Variants in PCDH17 observed in about 807,000 individuals in gnomAD.
The protein encoded by PCDH17 is protocadherin 17.
In PCDH17, 21 loss-of-function variants were observed where a neutral mutation model predicts 67.7. The observed-to-expected ratio is 0.31, with a 90% CI of 0.22 to 0.45. The LOEUF (loss-of-function observed/expected upper bound fraction) is 0.45. Ranked by LOEUF, PCDH17 falls within the 20% of genes least tolerant of loss-of-function variation. The pLI, the probability that PCDH17 is intolerant of heterozygous loss-of-function variation, is 1.00. For missense variants in PCDH17, 1,471 were observed against 1,564.8 expected, an observed-to-expected ratio of 0.94 and a Z score of 1.01; for synonymous variants, 701 against 656.7, an observed-to-expected ratio of 1.07 and a Z score of -1.03.
At chr13:57,689,470 C>G (rs1210977154) in intron 3 of PCDH17, among the ~76,000 whole-genome samples, 1 of 151,886 alleles carries the variant, frequency 6.6e-6, no homozygotes, top group African/African-American at 2.4e-5. Flanking sequence ...GGACACAATT[C>G]TTGGTTAATT....
At chr13:57,644,454 A>T (rs746829581) in intron 1 of PCDH17, among the ~76,000 whole-genome samples, 2 of 151,570 alleles carry the variant, frequency 1.3e-5, no homozygotes, top group African/African-American at 2.4e-5. Flanking sequence ...ATTACATAGT[A>T]ATTTGGGTTA....
intron 3 of PCDH17, among the ~76,000 whole-genome samples, chr13:57,690,293 A>G (rs986451823): frequency 6.6e-6 from 1 of 151,778 alleles, no homozygotes. Context: ...TAGTGAAAAC[A>G]TATGCTTTTC....
At chr13:57,715,334 T>G (rs1955808413) in intron 3 of PCDH17, among the ~76,000 whole-genome samples, 2 of 151,782 alleles carry the variant, frequency 1.3e-5, no homozygotes, top group Non-Finnish European at 2.9e-5. Flanking sequence ...CCGTAGTGTT[T>G]GATAACTTTT....
intron 3 of PCDH17, among the ~76,000 whole-genome samples, chr13:57,722,107 G>C (rs1334585132): frequency 6.6e-6 from 1 of 152,160 alleles, no homozygotes; most frequent in Non-Finnish European, 1.5e-5. Context: ...CCCACGATGT[G>C]ACATAAAGGA....
At chr13:57,723,682 C>A (rs4485247) in intron 3 of PCDH17, among the ~76,000 whole-genome samples, 122,317 of 152,132 alleles carry the variant, frequency 0.8, 49,876 homozygotes, top group African/African-American at 0.93. Flanking sequence ...ACAACTGGGA[C>A]GATGTAGCTC....
intron 3 of PCDH17, among the ~76,000 whole-genome samples, chr13:57,672,517 TAC>T (rs1466577898): frequency 1.3e-5 from 2 of 151,976 alleles, no homozygotes; most frequent in Non-Finnish European, 2.9e-5. Flanking sequence ...ACCTGTATTT[TAC>T]CATGAAGGAA....
chr13:57,646,048 T>C (rs1432636782), intron 1 of PCDH17, among the ~76,000 whole-genome samples: 2 of 151,724 alleles, frequency 1.3e-5, no homozygotes, highest in Admixed American at 6.6e-5. Context: ...TGGGATTACA[T>C]TTATTTTTAT....
chr13:57,656,312 G>A (rs927050585), intron 1 of PCDH17, among the ~76,000 whole-genome samples: 5 of 151,994 alleles, frequency 3.3e-5, no homozygotes, highest in African/African-American at 1.2e-4. Context: ...AAACCAGCTT[G>A]ATCATAAAAA....
rs1045039910 is a variant in PCDH17 at position 57,725,738 on chromosome 13, G to C, written c.*444G>C. The C allele has an allele frequency of 1.9e-5, 3 of 156,376 alleles. No individual in the cohort carries two copies. Among genetic ancestry groups the C allele is most frequent in the African/African-American group, 7.2e-5 (3 of 41,484 alleles). The allele number at this position is 156,376 out of a possible 1,614,324, so 9.7% of individuals were successfully genotyped here. A position where few individuals can be genotyped will look rare whatever the true frequency, so the allele number is the denominator to read the frequency against. On this transcript the variant is annotated 3_prime_UTR_variant, in exon 4 of 4. Coordinates refer to ENST00000377918, the MANE Select transcript of PCDH17 (RefSeq NM_001040429.3). ...AAAGCAGGGTCATAATTTGTGATCT[G>C]TGGTGGATTTCTAGCAGTCATCACA... is the stretch of plus-strand genomic sequence containing the variant.
intron 3 of PCDH17, among the ~76,000 whole-genome samples, chr13:57,710,940 G>T (rs1955770393): frequency 6.6e-6 from 1 of 152,006 alleles, no homozygotes; most frequent in African/African-American, 2.4e-5. Flanking sequence ...GGGTAAAAAG[G>T]TGAGAAGTTT....
intron 3 of PCDH17, among the ~76,000 whole-genome samples, chr13:57,714,760 C>A (rs1051454904): frequency 1.5e-4 from 22 of 151,612 alleles, no homozygotes; most frequent in Admixed American, 4.6e-4. Flanking sequence ...TTAATTAATT[C>A]ATATGTTGAT....
At chr13:57,660,801 T>C (rs1955173050) in intron 1 of PCDH17, among the ~76,000 whole-genome samples, 1 of 152,236 alleles carries the variant, frequency 6.6e-6, no homozygotes, top group African/African-American at 2.4e-5. Flanking sequence ...TTTTTAAAGA[T>C]TGACTTTTTT....
intron 3 of PCDH17, among the ~76,000 whole-genome samples, chr13:57,706,243 C>T (rs879012043): frequency 6.6e-6 from 1 of 152,126 alleles, no homozygotes; most frequent in South Asian, 2.1e-4. Flanking sequence ...TTGAATCTTA[C>T]AGTCAGCAGC....
In PCDH17 at chr13:57,666,538, TA is replaced by T. The variant is rs771160993; in HGVS notation, c.2624+15del. The stretch of plus-strand genomic sequence containing the variant: ...CAGTTTGTTCAAAGGTAAGGCCTAT[TA>T]AATAACTTTTCTCAGCTTCCCCATT... On this transcript the variant is annotated intron_variant, in intron 2 of 3. Transcript: ENST00000377918. 6.2e-7 allele frequency: 1 copy of T among 1,613,166 alleles called. No individual in the cohort carries two copies. Among genetic ancestry groups the T allele is most frequent in the Non-Finnish European group, 8.5e-7 (1 of 1,179,222 alleles).
At position 57,645,351 on chromosome 13, in the gene PCDH17, C is replaced by A. The variant is rs548934084; in HGVS notation, c.2565+10240C>A. ...GTATACACTTAAAAAAATATGAATTCTTTTTGAAGAAACTGAGACTTCTAT... is the reference window on the plus strand; with the variant it reads ...GTATACACTTAAAAAAATATGAATTATTTTTGAAGAAACTGAGACTTCTAT... On this transcript the variant is annotated intron_variant, in intron 1 of 3. Coordinates refer to ENST00000377918, the MANE Select transcript of PCDH17 (RefSeq NM_001040429.3). Among the ~76,000 whole-genome samples, 17 of 151,630 alleles carry A rather than the reference C, an allele frequency of 1.1e-4. No homozygotes were observed. In the South Asian group the frequency reaches 3.3e-3, roughly 30 times the overall value.
intron 3 of PCDH17, among the ~76,000 whole-genome samples, chr13:57,672,488 G>A (rs141346905): frequency 3.3e-5 from 5 of 151,972 alleles, no homozygotes; most frequent in Non-Finnish European, 7.4e-5. Context: ...AAATGAAACC[G>A]ATTAAGAAAC....
intron 3 of PCDH17, among the ~76,000 whole-genome samples, chr13:57,713,704 T>C (rs1263024027): frequency 6.6e-6 from 1 of 151,602 alleles, no homozygotes; most frequent in Non-Finnish European, 1.5e-5. Flanking sequence ...AGTACATATT[T>C]ATTATTATTT....
chr13:57,660,158 A>T (rs1955166451), intron 1 of PCDH17, among the ~76,000 whole-genome samples: 1 of 152,152 alleles, frequency 6.6e-6, no homozygotes, highest in Admixed American at 6.5e-5. Context: ...AGGCAGGAAG[A>T]TCATTTGAAC....
At position 57,632,609 on chromosome 13, in the gene PCDH17, C is replaced by T. The variant is rs765422917; in HGVS notation, c.63C>T (p.Leu21=). ...LWAPALTLKN[L]NYSVPEEQGA... is the part of the protein sequence containing the mutation. ...CCCCTGCCCTCACTCTCAAGAACCT[C>T]AACTACTCCGTGCCGGAGGAGCAAG... The change falls in exon 1 of 4, where the codon CTC becomes CTT. Residue 21 remains leucine, a synonymous_variant. Transcript: ENST00000377918. 4 of 1,613,860 alleles carry T rather than the reference C, an allele frequency of 2.5e-6. No individual in the cohort carries two copies. The South Asian group carries it at 3.3e-5, about 13-fold the overall frequency.
Sources: gnomAD v4.1 joint callset for allele counts (sites outside exome capture counted in the v4.1 genomes callset) on GRCh38, gnomAD v4.1.1 for gene constraint, MANE v1.5 for transcripts, NCBI Gene and HGNC (gene_info 2026-07-23, HGNC 2026-07-21) for gene names.